The following ASCC3 variants were observed in gnomAD, a reference collection of about 807,000 sequenced individuals.
The protein encoded by ASCC3 is activating signal cointegrator 1 complex subunit 3.
In ASCC3, 158 loss-of-function variants were observed where a neutral mutation model predicts 256.3. That is an observed-to-expected ratio of 0.62 (90% CI 0.54 to 0.70). ASCC3 has a LOEUF of 0.70. ASCC3 is among the 30% of genes least tolerant of loss of function. The pLI, the probability that ASCC3 is intolerant of heterozygous loss-of-function variation, is 0.00. For missense variants in ASCC3, 2,259 were observed against 2,626.0 expected, an observed-to-expected ratio of 0.86 and a Z score of 3.05; for synonymous variants, 948 against 883.4, an observed-to-expected ratio of 1.07 and a Z score of -1.30.
chr6:100,880,971 C>A (rs1769276947), intron 1 of ASCC3, 90 bp downstream of exon 1: 1 of 152,210 alleles, frequency 6.6e-6, no homozygotes. Context: ...TGGCGGGTCG[C>A]GTAGCCCGCC....
Position 100,540,256 on chromosome 6 carries a change from C to T in ASCC3, c.5682G>A (p.Leu1894=), listed in dbSNP as rs1775384812. The T allele has an allele frequency of 1.2e-6, 2 of 1,613,748 alleles. No individual in the cohort carries two copies. The highest frequency in any genetic ancestry group is 1.7e-6 in the Non-Finnish European group (2 of 1,179,982). ...FDSPHTKAHL[L]LQAHLSRAML... Reference sequence around the variant, plus strand: ...TGGCTCGGCTGAGATGTGCCTGTAGCAGGAGATGTGCTTTGGTGTGAGGGC... The same window carrying T: ...TGGCTCGGCTGAGATGTGCCTGTAGTAGGAGATGTGCTTTGGTGTGAGGGC... The change falls in exon 37 of 42, where the codon CTG becomes CTA. Residue 1894 remains leucine (L), a synonymous_variant. Coordinates refer to ENST00000369162, the MANE Select transcript of ASCC3 (RefSeq NM_006828.4).
At chr6:100,803,488 C>T (rs1015152534) in intron 5 of ASCC3, among the ~76,000 whole-genome samples, 4 of 152,098 alleles carry the variant, frequency 2.6e-5, no homozygotes, top group African/African-American at 9.7e-5. Context: ...GGCCTCCAGC[C>T]ATGTGGAACT....
chr6:100,764,287 TA>T (rs1280227030), intron 10 of ASCC3, among the ~76,000 whole-genome samples: 18 of 152,158 alleles, frequency 1.2e-4, no homozygotes, highest in Admixed American at 7.2e-4. Context: ...AGGGAAGAAG[TA>T]AATACAGAAT....
At chr6:100,643,753 G>A (rs375276071) in intron 23 of ASCC3, among the ~76,000 whole-genome samples, 42 of 152,068 alleles carry the variant, frequency 2.8e-4, no homozygotes, top group Middle Eastern at 3.4e-3. Flanking sequence ...AATCTTATGG[G>A]ACCACTATTG....
intron 10 of ASCC3, among the ~76,000 whole-genome samples, chr6:100,736,710 T>C (rs796632350): frequency 3.7e-4 from 56 of 152,322 alleles, no homozygotes; most frequent in African/African-American, 1.3e-3. Context: ...TGATACTTCC[T>C]GTGTCCAGAT....
Position 100,772,047 on chromosome 6 carries a change from T to A in ASCC3, c.1396-4702A>T, listed in dbSNP as rs867387882. On this transcript the variant is annotated intron_variant, in intron 8 of 41. Coordinates refer to ENST00000369162, the MANE Select transcript of ASCC3 (RefSeq NM_006828.4). ...GGCGCCAGCCACCAGGCATGGCTAA[T>A]TTTTTTTGTATTTTTAGTAGGCATA... Among the ~76,000 whole-genome samples the A allele has an allele frequency of 2.1e-3, 320 of 151,668 alleles. 4 individuals carry two copies. Among genetic ancestry groups the A allele is most frequent in the Non-Finnish European group, 9.0e-4 (61 of 67,830 alleles).
intron 8 of ASCC3, among the ~76,000 whole-genome samples, chr6:100,772,029 G>A (rs948839933): frequency 2.6e-5 from 4 of 151,854 alleles, no homozygotes; most frequent in Non-Finnish European, 5.9e-5. Context: ...ACAGGCGCCA[G>A]CCACCAGGCA....
intron 36 of ASCC3, among the ~76,000 whole-genome samples, chr6:100,566,051 A>G (rs1032462072): frequency 2.0e-5 from 3 of 152,182 alleles, no homozygotes; most frequent in Non-Finnish European, 4.4e-5. Context: ...TCCAGAGTAA[A>G]GCAGCTCTGA....
intron 37 of ASCC3, among the ~76,000 whole-genome samples, chr6:100,518,350 T>C (rs1328430419): frequency 2.0e-5 from 3 of 152,122 alleles, no homozygotes; most frequent in African/African-American, 7.2e-5. Context: ...CATTACTTCC[T>C]AAAAAGGGCC....
chr6:100,777,301 TA>T (rs1405779167), intron 8 of ASCC3, among the ~76,000 whole-genome samples: 1 of 152,136 alleles, frequency 6.6e-6, no homozygotes, highest in Admixed American at 6.6e-5. Flanking sequence ...TGGGCTTTCC[TA>T]ACAGGATACG....
chr6:100,661,369 A>T (rs1467353873), intron 16 of ASCC3, among the ~76,000 whole-genome samples: 1 of 150,654 alleles, frequency 6.6e-6, no homozygotes, highest in Non-Finnish European at 1.5e-5. Flanking sequence ...AAAACAAATG[A>T]TCATAATCTA....
chr6:100,763,962 A>AT (rs36027888), intron 10 of ASCC3, among the ~76,000 whole-genome samples: 59,383 of 151,944 alleles, frequency 0.39, 12,869 homozygotes, highest in Middle Eastern at 0.56. Context: ...GTCTAAGTAG[A>AT]TTTTTTTGGT....
At chr6:100,512,292 G>C (rs1773802388) in intron 40 of ASCC3, among the ~76,000 whole-genome samples, 1 of 152,088 alleles carries the variant, frequency 6.6e-6, no homozygotes, top group Non-Finnish European at 1.5e-5. Flanking sequence ...AGTGCCTCTA[G>C]GCCAGTACTG....
intron 38 of ASCC3, 122 bp downstream of exon 38, chr6:100,517,867 CAG>C: frequency 9.2e-7 from 1 of 1,090,722 alleles, no homozygotes; most frequent in Non-Finnish European, 1.3e-6. Flanking sequence ...CTCTGGGAAA[CAG>C]GAGTATTTTC....
chr6:100,714,444 C>T (rs1391713729), intron 13 of ASCC3, among the ~76,000 whole-genome samples: 2 of 152,076 alleles, frequency 1.3e-5, no homozygotes, highest in Admixed American at 6.5e-5. Context: ...GTTAGCAGCT[C>T]ATGGCCTGGA....
intron 13 of ASCC3, among the ~76,000 whole-genome samples, chr6:100,694,398 A>G (rs1374439012): frequency 1.3e-5 from 2 of 151,998 alleles, no homozygotes; most frequent in East Asian, 3.9e-4. Flanking sequence ...CTTGAAGCCC[A>G]GGAGTTTGAG....
At position 100,601,908 on chromosome 6, in the gene ASCC3, T is replaced by G; in HGVS notation, c.5205A>C (p.Leu1735Phe). The G allele has an allele frequency of 6.2e-7, 1 of 1,612,462 alleles. No individual in the cohort carries two copies. Among genetic ancestry groups the G allele is most frequent in the Non-Finnish European group, 8.5e-7 (1 of 1,178,804 alleles). Reference protein sequence around the residue: ...SSLLGVLSDHLNAEIAGGTIT... With the variant: ...SSLLGVLSDHFNAEIAGGTIT... ...TTGTACCACCAGCAATCTCTGCATT[T>G]AAGTGGTCAGAGAGCACTCCTAATA... The change falls in exon 34 of 42, where the codon TTA (leucine) becomes TTC (phenylalanine). Residue 1735 changes from leucine (L) to phenylalanine (F), a missense_variant. Physicochemically the swap from Leu to Phe is conservative, Grantham distance 22. Around this residue, in one of 2 missense-constraint regions of ASCC3, gnomAD observed 1,839 missense variants for 2,206.7 expected, o/e 0.83. Coordinates refer to ENST00000369162, the MANE Select transcript of ASCC3 (RefSeq NM_006828.4).
intron 37 of ASCC3, among the ~76,000 whole-genome samples, chr6:100,536,358 C>T (rs936653901): frequency 1.3e-5 from 2 of 152,106 alleles, no homozygotes; most frequent in Admixed American, 6.5e-5. Flanking sequence ...CACATACACA[C>T]GGGAGGTAAA....
rs1377407990 is a variant in ASCC3, at chr6:100,655,807, T to G, written c.2715A>C (p.Gly905=). 1 of 1,611,206 alleles carries G rather than the reference T, an allele frequency of 6.2e-7. No individual in the cohort carries two copies. Among genetic ancestry groups the G allele is most frequent in the African/African-American group, 1.3e-5 (1 of 74,976 alleles). The change falls in exon 17 of 42, where the codon GGA becomes GGC. Residue 905 remains glycine, a synonymous_variant. Coordinates refer to ENST00000369162, the MANE Select transcript of ASCC3 (RefSeq NM_006828.4). ...CTGCTTCTTCCACATTAGTAACTGTTCCCAGAGCAATCTGCAAATCAAAAA... is the reference window on the plus strand; with the variant it reads ...CTGCTTCTTCCACATTAGTAACTGTGCCCAGAGCAATCTGCAAATCAAAAA... The part of the protein sequence containing the change: ...ADNLNAEIAL[G]TVTNVEEAVK...
Sources: gnomAD v4.1 joint callset for allele counts (sites outside exome capture counted in the v4.1 genomes callset) on GRCh38, gnomAD v4.1.1 for gene constraint, gnomAD v4.1.1 regional missense constraint, MANE v1.5 for transcripts, NCBI Gene and HGNC (gene_info 2026-07-23, HGNC 2026-07-21) for gene names.